Variants in MARS1 observed in about 807,000 individuals in gnomAD.
MARS1 encodes methionine--tRNA ligase, cytoplasmic.
Under a neutral mutation model 119.5 loss-of-function variants are expected in MARS1, and 80 were observed. The observed-to-expected ratio is 0.67, with a 90% CI of 0.56 to 0.81. The LOEUF (loss-of-function observed/expected upper bound fraction) is 0.81. MARS1 is among the 30% of genes least tolerant of loss of function. MARS1 has a pLI of 0.00. For missense variants in MARS1, 945 were observed against 1,116.5 expected (o/e 0.85, Z 2.19); for synonymous variants, 418 against 433.4 (o/e 0.96, Z 0.44).
In MARS1 at chr12:57,493,862, A is replaced by G. The variant is rs1303474360; in HGVS notation, c.770+3218A>G. Among the ~76,000 whole-genome samples the G allele has an allele frequency of 0.025, 161 of 6,340 alleles. 16 individuals are homozygous for G. In the East Asian group the frequency reaches 0.4, roughly 16 times the overall value. 4.2% of individuals were successfully genotyped at this position (6,340 alleles called of 152,430 possible). A position where few individuals can be genotyped will look rare whatever the true frequency, so the allele number is the denominator to read the frequency against. ...TATAATATATAATATATATATTTAT[A>G]TTATATAATATATATAATATATAAT... On this transcript the variant is annotated intron_variant, in intron 7 of 20. Transcript: ENST00000262027.
intron 7 of MARS1, among the ~76,000 whole-genome samples, chr12:57,493,907 TA>T (rs1876424623): frequency 1.7e-5 from 1 of 59,922 alleles, no homozygotes; most frequent in African/African-American, 7.7e-5. Flanking sequence ...TGTTATATAA[TA>T]TATATAATAT....
chr12:57,496,644 A>AT (rs1382435698), intron 7 of MARS1, among the ~76,000 whole-genome samples: 1 of 151,922 alleles, frequency 6.6e-6, no homozygotes, highest in African/African-American at 2.4e-5. Flanking sequence ...AGGCACGGTG[A>AT]TGCCTGCCTG....
intron 1 of MARS1, 92 bp from the exon 2 acceptor site, chr12:57,488,927 C>A: frequency 9.7e-7 from 1 of 1,031,484 alleles, no homozygotes; most frequent in Non-Finnish European, 1.5e-6. Flanking sequence ...TCTTTTTTTA[C>A]TCACTGAACA....
At chr12:57,505,612 A>G (rs1594826020) in intron 11 of MARS1, among the ~76,000 whole-genome samples, 1 of 151,500 alleles carries the variant, frequency 6.6e-6, no homozygotes. Flanking sequence ...GGAGTTGGAG[A>G]CCAGCCTGGA....
Position 57,489,081 on chromosome 12 carries a change from T to C in MARS1, c.172T>C (p.Tyr58His), listed in dbSNP as rs750736034. Residue 58 changes from tyrosine (Y) to histidine (H), a missense_variant, in exon 2 of 21, where the codon TAC (tyrosine) becomes CAC (histidine). By Grantham distance (83) the Tyr-to-His change is moderately conservative. Coordinates refer to ENST00000262027, the MANE Select transcript of MARS1 (RefSeq NM_004990.4). ...TGTCTTGCAGCTGGATAGCGGCAAC[T>C]ACCTCTTCTCCACTAGTGCAATCTG... ...VPVLQLDSGN[Y>H]LFSTSAICRY... 8 of 1,614,138 alleles carry C rather than the reference T, an allele frequency of 5.0e-6. No homozygotes were observed. Among genetic ancestry groups the C allele is most frequent in the Non-Finnish European group, 6.8e-6 (8 of 1,180,014 alleles).
intron 11 of MARS1, among the ~76,000 whole-genome samples, chr12:57,510,978 G>T (rs1437621990): frequency 6.6e-6 from 1 of 152,050 alleles, no homozygotes; most frequent in Non-Finnish European, 1.5e-5. Context: ...GGAGGCTGAG[G>T]TGGAAGGATC....
intron 11 of MARS1, among the ~76,000 whole-genome samples, chr12:57,509,252 G>C (rs1877393919): frequency 6.6e-6 from 1 of 152,030 alleles, no homozygotes. Flanking sequence ...AGGTTCATCT[G>C]GTTCAGCCTT....
chr12:57,488,993 T>A lies in MARS1; in HGVS notation c.110-26T>A, dbSNP rs55727879. 0.038 allele frequency: 55,526 copies of A among 1,470,380 alleles called. 1,153 individuals are homozygous for A. Among genetic ancestry groups the A allele is most frequent in the Non-Finnish European group, 0.044 (46,853 of 1,054,686 alleles). The allele number at this position is 1,470,380 out of a possible 1,614,324, so 91.1% of individuals were successfully genotyped here. A position where few individuals can be genotyped will look rare whatever the true frequency, so the allele number is the denominator to read the frequency against. ...TTCTTTTCTTTTCCTTTTTTTTTTTTAACCCATTTTCCATTCTTGCATCAG... is the reference window on the plus strand; with the variant it reads ...TTCTTTTCTTTTCCTTTTTTTTTTTAAACCCATTTTCCATTCTTGCATCAG... On this transcript the variant is annotated intron_variant, in intron 1 of 20. Coordinates refer to ENST00000262027, the MANE Select transcript of MARS1 (RefSeq NM_004990.4).
chr12:57,498,098 T>C, intron 7 of MARS1, 59 bp from the exon 8 acceptor site: 1 of 1,064,488 alleles, frequency 9.4e-7, no homozygotes. Flanking sequence ...TGTGCACTTT[T>C]CGTCCCTGTT....
Position 57,514,708 on chromosome 12 carries a change from C to T in MARS1, c.1968-12C>T. The T allele has an allele frequency of 6.2e-7, 1 of 1,613,988 alleles. No individual in the cohort carries two copies. Among genetic ancestry groups the T allele is most frequent in the African/African-American group, 1.3e-5 (1 of 75,030 alleles). On this transcript the variant is annotated splice_polypyrimidine_tract_variant and intron_variant, in intron 15 of 20. Transcript: ENST00000262027. ...TCTTTTTTCCACTTCTGCTTTCCTA[C>T]TCCCAACCAAGAGCTGGGATGTTTG...
At position 57,516,427 on chromosome 12, in the gene MARS1, T is replaced by C. The variant is rs2140039581; in HGVS notation, c.2557-8T>C. 1.2e-6 allele frequency: 2 copies of C among 1,612,744 alleles called. No individual in the cohort carries two copies. The highest frequency in any genetic ancestry group is 8.5e-7 in the Non-Finnish European group (1 of 1,179,206). Reference sequence around the variant, plus strand: ...TCACTGTTACCTCCCCACCCCCCTTTATCTTAGGGAAACATTGTCCGAGAA... The same window carrying C: ...TCACTGTTACCTCCCCACCCCCCTTCATCTTAGGGAAACATTGTCCGAGAA... On this transcript the variant is annotated splice_region_variant and splice_polypyrimidine_tract_variant and intron_variant, in intron 20 of 20. Coordinates refer to ENST00000262027, the MANE Select transcript of MARS1 (RefSeq NM_004990.4).
At position 57,490,574 on chromosome 12, in the gene MARS1, G is replaced by C; in HGVS notation, c.700G>C (p.Ala234Pro). The change falls in exon 7 of 21, where the codon GCT becomes CCT. Residue 234 changes from alanine (A) to proline (P), a missense_variant. Transcript: ENST00000262027. ...GGCTACCCTATCTGAGGAGGAGATT[G>C]CTATGGCTGTTACTGCTTGGGAGAA... is the stretch of plus-strand genomic sequence containing the variant. The part of the protein sequence containing the change: ...ELATLSEEEI[A>P]MAVTAWEKGL... The C allele has an allele frequency of 6.2e-7, 1 of 1,614,148 alleles. No individual in the cohort carries two copies. The highest frequency in any genetic ancestry group is 8.5e-7 in the Non-Finnish European group (1 of 1,180,032).
intron 1 of MARS1, chr12:57,488,436 C>T: frequency 1.1e-6 from 1 of 881,724 alleles, no homozygotes; most frequent in East Asian, 2.7e-5. Context: ...TTCCGTCTTC[C>T]CGGTCCCCGC....
At chr12:57,506,895 G>A (rs1260045764) in intron 11 of MARS1, among the ~76,000 whole-genome samples, 5 of 144,318 alleles carry the variant, frequency 3.5e-5, no homozygotes, top group East Asian at 2.0e-4. Flanking sequence ...GGTGTTTCTC[G>A]CAGAGGGGGA....
intron 11 of MARS1, among the ~76,000 whole-genome samples, chr12:57,508,224 C>T (rs1877321288): frequency 6.6e-6 from 1 of 152,190 alleles, no homozygotes; most frequent in Non-Finnish European, 1.5e-5. Context: ...CGATGGGTGG[C>T]CAGGCAGAGA....
intron 7 of MARS1, among the ~76,000 whole-genome samples, chr12:57,497,695 C>T (rs78563683): frequency 6.6e-6 from 1 of 151,984 alleles, no homozygotes; most frequent in East Asian, 1.9e-4. Context: ...TGTTACGGGT[C>T]GTATCTAGGC....
rs1233946450 is a variant in MARS1, at chr12:57,490,526, C to T, written c.664-12C>T. 1 of 1,613,670 alleles carries T rather than the reference C, an allele frequency of 6.2e-7. No homozygotes were observed. The highest frequency in any genetic ancestry group is 1.7e-5 in the Admixed American group (1 of 60,018). On this transcript the variant is annotated splice_polypyrimidine_tract_variant and intron_variant, in intron 6 of 20. Transcript: ENST00000262027. Reference sequence around the variant, plus strand: ...TCCTCACCTGGTAAGGGATTCTCTCCACTCTTTATAGGAGGAGGAGCTGGC... The same window carrying T: ...TCCTCACCTGGTAAGGGATTCTCTCTACTCTTTATAGGAGGAGGAGCTGGC...
Position 57,495,827 on chromosome 12 carries a change from C to T in MARS1, c.771-2330C>T, listed in dbSNP as rs577309143. On this transcript the variant is annotated intron_variant, in intron 7 of 20. Coordinates refer to ENST00000262027, the MANE Select transcript of MARS1 (RefSeq NM_004990.4). The stretch of plus-strand genomic sequence containing the variant: ...CAGCCCGGCCAACACGGCGAAACCC[C>T]GTCTCCACCAAAAAATACAAAAACC... Among the ~76,000 whole-genome samples the T allele has an allele frequency of 1.8e-3, 272 of 152,326 alleles. 1 individual carries two copies. Among genetic ancestry groups the T allele is most frequent in the Non-Finnish European group, 2.9e-3 (197 of 68,032 alleles).
intron 7 of MARS1, among the ~76,000 whole-genome samples, chr12:57,493,795 ATTATAT>A: frequency 2.4e-3 from 2 of 824 alleles, no homozygotes; most frequent in African/African-American, 4.0e-3. Flanking sequence ...TATATTATAT[ATTATAT>A]TATATAATGT....
Sources: allele counts gnomAD v4.1 joint callset (sites outside exome capture counted in the v4.1 genomes callset), GRCh38; gene constraint gnomAD v4.1.1; transcripts MANE v1.5; gene names NCBI Gene and HGNC (gene_info 2026-07-23, HGNC 2026-07-21).